The following CMTM8 variants were observed in gnomAD, a reference collection of about 807,000 sequenced individuals.
The protein encoded by CMTM8 is CKLF like MARVEL transmembrane domain containing 8.
A neutral mutation model predicts 18.6 loss-of-function variants in CMTM8; 12 were observed. The observed-to-expected ratio is 0.65, with a 90% CI of 0.41 to 1.05. CMTM8 has a LOEUF of 1.05. CMTM8 is among the 50% of genes least tolerant of loss of function. The probability of loss-of-function intolerance (pLI) is 0.00; values close to 1 mark genes in which losing one functional copy is unlikely to be tolerated. For missense variants in CMTM8, 217 were observed against 227.2 expected (o/e 0.95, Z 0.29); for synonymous variants, 87 against 90.6 (o/e 0.96, Z 0.23).
chr3:32,240,828 C>T (rs1701938051), intron 1 of CMTM8, among the ~76,000 whole-genome samples: 1 of 152,120 alleles, frequency 6.6e-6, no homozygotes, highest in South Asian at 2.1e-4. Flanking sequence ...TGCTCTGTCT[C>T]CCAGGCTGAG....
At chr3:32,294,237 C>T (rs946494037) in intron 1 of CMTM8, among the ~76,000 whole-genome samples, 5 of 152,216 alleles carry the variant, frequency 3.3e-5, no homozygotes, top group Admixed American at 6.5e-5. Flanking sequence ...GTCTGCTTTT[C>T]CCTGAATGGC....
chr3:32,268,321 A>G (rs1386612251), intron 1 of CMTM8, among the ~76,000 whole-genome samples: 1 of 152,192 alleles, frequency 6.6e-6, no homozygotes, highest in Non-Finnish European at 1.5e-5. Flanking sequence ...GGAAACCATC[A>G]TTCTCAGCAA....
At chr3:32,293,168 A>G (rs968672866) in intron 1 of CMTM8, among the ~76,000 whole-genome samples, 59 of 152,072 alleles carry the variant, frequency 3.9e-4, no homozygotes, top group African/African-American at 1.4e-3. Context: ...TTTGGCGGCT[A>G]TGTAGCAGTC....
At chr3:32,278,529 C>G (rs922691195) in intron 1 of CMTM8, among the ~76,000 whole-genome samples, 4 of 152,172 alleles carry the variant, frequency 2.6e-5, no homozygotes, top group African/African-American at 7.2e-5. Flanking sequence ...TTTGCATTCT[C>G]AGCTGTGCCC....
At chr3:32,259,408 C>A in intron 1 of CMTM8, 1 of 868,918 alleles carries the variant, frequency 1.2e-6, no homozygotes, top group Non-Finnish European at 2.0e-6. Context: ...TTGACAATGC[C>A]TGTCTTGCTG....
intron 1 of CMTM8, among the ~76,000 whole-genome samples, chr3:32,278,583 C>T (rs1702555944): frequency 6.6e-6 from 1 of 152,140 alleles, no homozygotes; most frequent in Non-Finnish European, 1.5e-5. Flanking sequence ...ATATTTGTTG[C>T]CGCCTCTGTT....
intron 1 of CMTM8, among the ~76,000 whole-genome samples, chr3:32,344,859 G>C (rs61537165): frequency 0.081 from 12,340 of 152,022 alleles, 597 homozygotes; most frequent in East Asian, 0.18. Flanking sequence ...TGCACCTCTG[G>C]ACTCCAGCCT....
chr3:32,319,881 TA>T, intron 1 of CMTM8, among the ~76,000 whole-genome samples: 1 of 152,238 alleles, frequency 6.6e-6, no homozygotes, highest in Non-Finnish European at 1.5e-5. Flanking sequence ...ATGCTTAACA[TA>T]AAAGTCTTTG....
chr3:32,276,100 G>C (rs1230577412), intron 1 of CMTM8, among the ~76,000 whole-genome samples: 1 of 152,078 alleles, frequency 6.6e-6, no homozygotes, highest in Non-Finnish European at 1.5e-5. Flanking sequence ...ACCAATGACG[G>C]GTACAGAGGC....
At chr3:32,341,226 C>T (rs928400101) in intron 1 of CMTM8, among the ~76,000 whole-genome samples, 11 of 152,198 alleles carry the variant, frequency 7.2e-5, no homozygotes, top group Non-Finnish European at 1.2e-4. Flanking sequence ...GTTTTGCAGA[C>T]GTGACAGTGG....
chr3:32,244,162 C>T (rs1701981045), intron 1 of CMTM8: 1 of 153,050 alleles, frequency 6.5e-6, no homozygotes, highest in Non-Finnish European at 1.5e-5. Flanking sequence ...ACCACCTGCA[C>T]TTGCCCTGCA....
At chr3:32,308,767 G>A (rs925238619) in intron 1 of CMTM8, among the ~76,000 whole-genome samples, 17 of 152,238 alleles carry the variant, frequency 1.1e-4, no homozygotes, top group South Asian at 8.3e-4. Flanking sequence ...ACACAATGAC[G>A]CTTAGTGAAC....
chr3:32,300,955 C>T (rs1470289396), intron 1 of CMTM8, among the ~76,000 whole-genome samples: 2 of 138,650 alleles, frequency 1.4e-5, no homozygotes, highest in African/African-American at 2.8e-5. Flanking sequence ...AGTGAAACTC[C>T]ATCTCAAAAA....
chr3:32,253,864 T>C (rs1437158085), intron 1 of CMTM8, among the ~76,000 whole-genome samples: 1 of 151,792 alleles, frequency 6.6e-6, no homozygotes, highest in Non-Finnish European at 1.5e-5. Flanking sequence ...AGGTGAGCAC[T>C]AATGTGCCCA....
At chr3:32,341,403 T>A (rs1454155883) in intron 1 of CMTM8, among the ~76,000 whole-genome samples, 1 of 152,214 alleles carries the variant, frequency 6.6e-6, no homozygotes, top group Non-Finnish European at 1.5e-5. Flanking sequence ...TAAGGCAGGC[T>A]TATGGTCTGC....
chr3:32,331,145 A>G (rs1283434657), intron 1 of CMTM8, among the ~76,000 whole-genome samples: 1 of 152,230 alleles, frequency 6.6e-6, no homozygotes, highest in African/African-American at 2.4e-5. Flanking sequence ...CAAATGTAAA[A>G]ACGGGGAAAG....
intron 1 of CMTM8, among the ~76,000 whole-genome samples, chr3:32,282,514 A>G (rs7632109): frequency 0.77 from 116,901 of 152,048 alleles, 45,163 homozygotes; most frequent in East Asian, 0.9. Context: ...AATGTTATCA[A>G]TTCTTACCAC....
chr3:32,352,042 G>A (rs1397772184), intron 1 of CMTM8, among the ~76,000 whole-genome samples: 1 of 151,726 alleles, frequency 6.6e-6, no homozygotes, highest in African/African-American at 2.4e-5. Flanking sequence ...GCCAAGCATG[G>A]TGGTGCATTC....
chr3:32,321,583 C>T (rs1036599530), intron 1 of CMTM8, among the ~76,000 whole-genome samples: 1 of 152,102 alleles, frequency 6.6e-6, no homozygotes, highest in African/African-American at 2.4e-5. Flanking sequence ...CCAGATCATG[C>T]CTGCTGCCTG....
Sources: gnomAD v4.1 joint callset for allele counts (sites outside exome capture counted in the v4.1 genomes callset) on GRCh38, gnomAD v4.1.1 for gene constraint, MANE v1.5 for transcripts, NCBI Gene and HGNC (gene_info 2026-07-23, HGNC 2026-07-21) for gene names.